The following MYO9B variants were observed in gnomAD, a reference collection of about 807,000 sequenced individuals.
MYO9B encodes myosin IXB, also known as unconventional myosin-IXb.
MYO9B carries 71 observed loss-of-function variants against 229.5 expected under a neutral mutation model. The observed-to-expected ratio is 0.31, with a 90% CI of 0.26 to 0.38. MYO9B has a LOEUF of 0.38. Among genes scored for constraint, MYO9B ranks in the 10% least tolerant of loss-of-function variants. The pLI is 1.00. For missense variants in MYO9B, 2,255 were observed against 2,920.5 expected (o/e 0.77, Z 5.25); for synonymous variants, 1,185 against 1,235.8 (o/e 0.96, Z 0.86).
intron 3 of MYO9B, among the ~76,000 whole-genome samples, chr19:17,148,019 G>C (rs1181610725): frequency 1.3e-5 from 2 of 152,038 alleles, no homozygotes; most frequent in African/African-American, 4.8e-5. Context: ...TGTCTCCCAT[G>C]GAAGCCACAC....
chr19:17,101,203 G>T lies in MYO9B; in HGVS notation c.-58-457G>T, dbSNP rs754334895. 1.3e-5 allele frequency among the ~76,000 whole-genome samples: 2 copies of T among 151,302 alleles called. No individual in the cohort carries two copies. Among genetic ancestry groups the T allele is most frequent in the Non-Finnish European group, 2.9e-5 (2 of 67,840 alleles). On this transcript the variant is annotated intron_variant, in intron 1 of 39. Transcript: ENST00000682292. This position sits in a 1 kb window ranked among gnomAD's most constrained non-coding sequence, Gnocchi z 4.7. ...ACTGTATTTTTTTTTAAGTGACAGGGTCTCTCTCTCTCACCCAGGCTGGAG... is the reference window on the plus strand; with the variant it reads ...ACTGTATTTTTTTTTAAGTGACAGGTTCTCTCTCTCTCACCCAGGCTGGAG...
rs1262039210 is a variant in MYO9B at position 17,184,861 on chromosome 19, C to T, written c.2374-4C>T. 16 of 1,613,598 alleles carry T rather than the reference C, an allele frequency of 9.9e-6. No individual in the cohort carries two copies. Among genetic ancestry groups the T allele is most frequent in the Non-Finnish European group, 1.4e-5 (16 of 1,179,744 alleles). On this transcript the variant is annotated splice_polypyrimidine_tract_variant and splice_region_variant and intron_variant, in intron 16 of 39. Coordinates refer to ENST00000682292, the MANE Select transcript of MYO9B (RefSeq NM_004145.4). Reference sequence around the variant, plus strand: ...GCAGGCCGGACCCCATGTGTCTGTCCTAGAACCTACTGGACTCCAAGTCCC... The same window carrying T: ...GCAGGCCGGACCCCATGTGTCTGTCTTAGAACCTACTGGACTCCAAGTCCC...
At chr19:17,159,723 G>A (rs1011433556) in intron 8 of MYO9B, among the ~76,000 whole-genome samples, 4 of 152,254 alleles carry the variant, frequency 2.6e-5, no homozygotes, top group East Asian at 3.8e-4. Flanking sequence ...CAGATGTTCC[G>A]TGTGCATGCT....
intron 13 of MYO9B, among the ~76,000 whole-genome samples, chr19:17,174,790 C>T (rs934905298): frequency 1.3e-5 from 2 of 150,332 alleles, no homozygotes; most frequent in Admixed American, 1.3e-4. Context: ...AAAAATTAGC[C>T]AGGTGCAGTG....
chr19:17,112,499 C>T (rs531072824), intron 2 of MYO9B, among the ~76,000 whole-genome samples: 5 of 152,310 alleles, frequency 3.3e-5, no homozygotes, highest in African/African-American at 1.2e-4. Flanking sequence ...ACGTGGCTTC[C>T]CAAGTGCGAC....
chr19:17,146,438 C>T (rs2072412425), intron 3 of MYO9B, among the ~76,000 whole-genome samples: 1 of 150,990 alleles, frequency 6.6e-6, no homozygotes, highest in Admixed American at 6.6e-5. Flanking sequence ...TGAGTGGATT[C>T]ACAGGTGGCT....
chr19:17,131,280 CT>C (rs1181360486), intron 2 of MYO9B, among the ~76,000 whole-genome samples: 1 of 152,038 alleles, frequency 6.6e-6, no homozygotes, highest in South Asian at 2.1e-4. Context: ...TTGAATAATC[CT>C]TTTTTGAGAC....
Position 17,194,924 on chromosome 19 carries a change from T to C in MYO9B, c.3497T>C (p.Ile1166Thr). The change falls in exon 22 of 40, where the codon ATC (isoleucine) becomes ACC (threonine). Residue 1166 changes from isoleucine (I) to threonine (T), a missense_variant. Around this residue, in one of 7 missense-constraint regions of MYO9B, gnomAD observed 679 missense variants for 770.2 expected, o/e 0.88. Coordinates refer to ENST00000682292, the MANE Select transcript of MYO9B (RefSeq NM_004145.4). ...LEHVKFQNKH[I>T]QSCKEESALR... ...CACGTCAAGTTCCAGAACAAACACA[T>C]CCAGTCCTGCAAGGAGGAGAGTGCC... 6.2e-7 allele frequency: 1 copy of C among 1,612,936 alleles called. No individual in the cohort carries two copies. Among genetic ancestry groups the C allele is most frequent in the Non-Finnish European group, 8.5e-7 (1 of 1,179,794 alleles).
rs936982801 is a variant in MYO9B at position 17,114,997 on chromosome 19, A to T, written c.840+12440A>T. Among the ~76,000 whole-genome samples the T allele has an allele frequency of 1.7e-4, 25 of 147,230 alleles. No homozygotes were observed. In the South Asian group the frequency reaches 2.2e-3, roughly 13 times the overall value. On this transcript the variant is annotated intron_variant, in intron 2 of 39. Coordinates refer to ENST00000682292, the MANE Select transcript of MYO9B (RefSeq NM_004145.4). ...TTCATTTTTCTTAACTTTAAAAAAA[A>T]TTTTTTTTAGAGACAGGGTCTAGCC...
At position 17,075,893 on chromosome 19, in the gene MYO9B, C is replaced by T. The variant is rs2057476804; in HGVS notation, c.-59+19C>T. 1 of 151,416 alleles carries T rather than the reference C, an allele frequency of 6.6e-6. No homozygotes were observed. The highest frequency in any genetic ancestry group is 1.5e-5 in the Non-Finnish European group (1 of 67,562). 9.4% of individuals were successfully genotyped at this position (151,416 alleles called of 1,614,324 possible). A position where few individuals can be genotyped will look rare whatever the true frequency, so the allele number is the denominator to read the frequency against. On this transcript the variant is annotated intron_variant, in intron 1 of 39. Coordinates refer to ENST00000682292, the MANE Select transcript of MYO9B (RefSeq NM_004145.4). ...AGGCCAGGTGAGTACCAGGCAGCCTCGGGTTGGCGACTCGAGCTCGAAGCC... is the reference window on the plus strand; with the variant it reads ...AGGCCAGGTGAGTACCAGGCAGCCTTGGGTTGGCGACTCGAGCTCGAAGCC...
Position 17,191,134 on chromosome 19 carries a change from AT to A in MYO9B, c.2727del (p.Asp909GlufsTer16). On this transcript the variant is annotated frameshift_variant, in exon 20 of 40. Transcript: ENST00000682292. LOFTEE classifies it high-confidence loss of function. ...TEQFQVLLPK[D>X]AQPCREVIST... ...CAGTTCCAGGTGCTCCTGCCCAAGG[AT>A]GCCCAGCCCTGCAGGGAGGTCATCT... is the stretch of plus-strand genomic sequence containing the variant. 1 of 1,612,854 alleles carries A rather than the reference AT, an allele frequency of 6.2e-7. No individual in the cohort carries two copies. Among genetic ancestry groups the A allele is most frequent in the Non-Finnish European group, 8.5e-7 (1 of 1,179,370 alleles).
chr19:17,198,353 C>T (rs756178760), intron 24 of MYO9B, 45 bp downstream of exon 24: 17 of 1,607,808 alleles, frequency 1.1e-5, no homozygotes, highest in Admixed American at 1.7e-5. Flanking sequence ...AGAGGATGCC[C>T]GGGGTCCCTG....
Position 17,090,118 on chromosome 19 carries a change from C to CTTTTT in MYO9B, c.-58-11503_-58-11499dup, listed in dbSNP as rs59440394. Among the ~76,000 whole-genome samples the CTTTTT allele has an allele frequency of 1.7e-3, 85 of 49,232 alleles. 17 individuals carry two copies. The highest frequency in any genetic ancestry group is 3.1e-3 in the East Asian group (5 of 1,606). 32.3% of individuals were successfully genotyped at this position (49,232 alleles called of 152,430 possible). A position where few individuals can be genotyped will look rare whatever the true frequency, so the allele number is the denominator to read the frequency against. The stretch of plus-strand genomic sequence containing the variant: ...TATAGCATGAATCGGTGCTTCCTTC[C>CTTTTT]TTTTTTTTTTTTTTTTTTTTTTTTT... On this transcript the variant is annotated intron_variant, in intron 1 of 39. Transcript: ENST00000682292.
chr19:17,171,536 C>T (rs2072724873), intron 11 of MYO9B, among the ~76,000 whole-genome samples: 2 of 152,318 alleles, frequency 1.3e-5, no homozygotes, highest in Admixed American at 1.3e-4. Flanking sequence ...TCCCAGGGGA[C>T]AGACTTTGCA....
At position 17,161,881 on chromosome 19, in the gene MYO9B, A is replaced by C. The variant is rs566707625; in HGVS notation, c.1420-469A>C. On this transcript the variant is annotated intron_variant, in intron 8 of 39. Transcript: ENST00000682292. ...TTGTGCGCCATAGCCCCAGCTACAC[A>C]GGAGGCTGAGGCAGGAAGATTGCTT... Among the ~76,000 whole-genome samples the C allele has an allele frequency of 3.3e-5, 5 of 151,604 alleles. No individual in the cohort carries two copies. The East Asian group carries it at 9.8e-4, about 30-fold the overall frequency.
chr19:17,105,688 CTT>C (rs1234878739), intron 2 of MYO9B, among the ~76,000 whole-genome samples: 1 of 152,150 alleles, frequency 6.6e-6, no homozygotes, highest in Non-Finnish European at 1.5e-5. Context: ...CCTCTCGCCT[CTT>C]GTTAGTCCCC....
intron 2 of MYO9B, among the ~76,000 whole-genome samples, chr19:17,136,692 C>A (rs1253888251): frequency 1.3e-5 from 2 of 152,064 alleles, no homozygotes; most frequent in Non-Finnish European, 2.9e-5. Flanking sequence ...TCAAAAAGTC[C>A]CATAGGCACC....
intron 2 of MYO9B, 124 bp downstream of exon 2, chr19:17,102,681 G>C: frequency 7.4e-7 from 1 of 1,347,816 alleles, no homozygotes; most frequent in East Asian, 2.5e-5. Flanking sequence ...GAGGAGGATT[G>C]CTTGAGCCCA....
intron 2 of MYO9B, among the ~76,000 whole-genome samples, chr19:17,129,398 TCAACAACAACAA>T (rs145485118): frequency 6.6e-6 from 1 of 151,702 alleles, no homozygotes; most frequent in African/African-American, 2.4e-5. Context: ...CGAGACAGTT[TCAACAACAACAA>T]CAACAACAAC....
Sources: gnomAD v4.1 joint callset for allele counts (sites outside exome capture counted in the v4.1 genomes callset) on GRCh38, gnomAD v4.1.1 for gene constraint, gnomAD v4.1.1 regional missense constraint, Gnocchi (gnomAD v3.1) non-coding constraint, MANE v1.5 for transcripts, NCBI Gene and HGNC (gene_info 2026-07-23, HGNC 2026-07-21) for gene names.